Variants in STK32B observed in about 807,000 individuals in gnomAD.
STK32B encodes the protein serine/threonine kinase 32B.
Under a neutral mutation model 52.6 loss-of-function variants are expected in STK32B, and 43 were observed. That is an observed-to-expected ratio of 0.82 (90% CI 0.64 to 1.05). The LOEUF (loss-of-function observed/expected upper bound fraction) is 1.05. Ranked by LOEUF, STK32B falls within the 50% of genes least tolerant of loss-of-function variation. The pLI is 0.00. For synonymous variants in STK32B, 238 were observed against 204.3 expected (o/e 1.17, Z -1.41); for missense variants, 621 against 534.6 (o/e 1.16, Z -1.59).
chr4:5,296,914 A>G lies in STK32B; in HGVS notation c.261-34306A>G, dbSNP rs1195969583. Among the ~76,000 whole-genome samples the G allele has an allele frequency of 2.0e-5, 3 of 152,072 alleles. No individual in the cohort carries two copies. The East Asian group carries it at 5.8e-4, about 29-fold the overall frequency. On this transcript the variant is annotated intron_variant, in intron 3 of 11. Coordinates refer to ENST00000282908, the MANE Select transcript of STK32B (RefSeq NM_018401.3). Reference sequence around the variant, plus strand: ...CAATTCCTGGTTTGCAGTGGCTGGTACCTGTTTTTACTTTCCATATTTAGT... The same window carrying G: ...CAATTCCTGGTTTGCAGTGGCTGGTGCCTGTTTTTACTTTCCATATTTAGT...
At chr4:5,162,353 C>T (rs970644440) in intron 2 of STK32B, among the ~76,000 whole-genome samples, 2 of 152,180 alleles carry the variant, frequency 1.3e-5, no homozygotes, top group Non-Finnish European at 2.9e-5. Context: ...CCCAGGGCCT[C>T]CTAGAGCTTT....
intron 3 of STK32B, among the ~76,000 whole-genome samples, chr4:5,184,668 CAG>C (rs1035734547): frequency 2.5e-5 from 3 of 119,650 alleles, no homozygotes; most frequent in African/African-American, 9.5e-5. Context: ...AGCCTGGTGA[CAG>C]AGCGAGACTG....
chr4:5,243,344 T>A (rs201742717), intron 3 of STK32B, among the ~76,000 whole-genome samples: 2 of 152,184 alleles, frequency 1.3e-5, no homozygotes, highest in Non-Finnish European at 1.5e-5. Context: ...GAAGCAATTG[T>A]GAATGGGAGT....
chr4:5,287,937 C>A (rs1728657230), intron 3 of STK32B, among the ~76,000 whole-genome samples: 1 of 152,116 alleles, frequency 6.6e-6, no homozygotes. Context: ...CTCCTCCTAG[C>A]CCCCAGAAAC....
At chr4:5,221,129 C>T (rs1723509841) in intron 3 of STK32B, among the ~76,000 whole-genome samples, 1 of 152,168 alleles carries the variant, frequency 6.6e-6, no homozygotes, top group African/African-American at 2.4e-5. Flanking sequence ...TGATGTTCTT[C>T]TCTCTGTTGC....
At position 5,229,684 on chromosome 4, in the gene STK32B, T is replaced by C. The variant is rs559619943; in HGVS notation, c.260+61234T>C. Among the ~76,000 whole-genome samples, 36 of 152,296 alleles carry C rather than the reference T, an allele frequency of 2.4e-4. No individual in the cohort carries two copies. The East Asian group carries it at 4.8e-3, about 20-fold the overall frequency. Reference sequence around the variant, plus strand: ...TTTATTTATTTTAAAGTAAAATGTATTAAATTATAGAATAATGGTTTTAGG... The same window carrying C: ...TTTATTTATTTTAAAGTAAAATGTACTAAATTATAGAATAATGGTTTTAGG... On this transcript the variant is annotated intron_variant, in intron 3 of 11. Transcript: ENST00000282908.
intron 3 of STK32B, among the ~76,000 whole-genome samples, chr4:5,236,377 A>C (rs1724639214): frequency 6.6e-6 from 1 of 152,168 alleles, no homozygotes; most frequent in Non-Finnish European, 1.5e-5. Flanking sequence ...TACATACAGA[A>C]AAGTGCACTT....
chr4:5,305,395 A>G (rs116965091), intron 3 of STK32B, among the ~76,000 whole-genome samples: 71 of 151,894 alleles, frequency 4.7e-4, no homozygotes, highest in African/African-American at 1.4e-3. Flanking sequence ...TAGGGTTTCT[A>G]TTTCTTCCTG....
chr4:5,154,764 T>G (rs1173983072), intron 2 of STK32B, among the ~76,000 whole-genome samples: 1 of 152,202 alleles, frequency 6.6e-6, no homozygotes, highest in Non-Finnish European at 1.5e-5. Context: ...GACCTGGTCA[T>G]GCCCATCCGC....
chr4:5,409,499 C>T (rs1737883128), intron 5 of STK32B, among the ~76,000 whole-genome samples: 1 of 152,134 alleles, frequency 6.6e-6, no homozygotes, highest in Admixed American at 6.5e-5. Flanking sequence ...ACGTCAGAAG[C>T]TACTGGCTTG....
chr4:5,282,122 C>G (rs1344663759), intron 3 of STK32B, among the ~76,000 whole-genome samples: 1 of 152,148 alleles, frequency 6.6e-6, no homozygotes, highest in Non-Finnish European at 1.5e-5. Flanking sequence ...GAAATTTACT[C>G]TCTTAGTTAG....
intron 7 of STK32B, among the ~76,000 whole-genome samples, chr4:5,450,789 A>ATCCCC (rs770156380): frequency 2.0e-5 from 3 of 152,196 alleles, no homozygotes; most frequent in Non-Finnish European, 4.4e-5. Flanking sequence ...CTCAGGAAAC[A>ATCCCC]TCCCCCTATT....
intron 3 of STK32B, among the ~76,000 whole-genome samples, chr4:5,300,098 A>C (rs116243346): frequency 0.011 from 1,613 of 152,326 alleles, 21 homozygotes; most frequent in African/African-American, 0.038. Flanking sequence ...GCCATGATCA[A>C]GTAGGCTTTA....
chr4:5,298,784 C>T (rs1322747572), intron 3 of STK32B, among the ~76,000 whole-genome samples: 5 of 152,044 alleles, frequency 3.3e-5, no homozygotes, highest in Admixed American at 1.3e-4. Context: ...AGTCCCCTTT[C>T]CAGGGGAGTG....
chr4:5,416,260 C>T (rs1219387892), intron 5 of STK32B, among the ~76,000 whole-genome samples: 5 of 152,048 alleles, frequency 3.3e-5, no homozygotes, highest in African/African-American at 1.2e-4. Context: ...TTCTCTTTCC[C>T]TTTTCCTTCC....
At chr4:5,146,496 T>C (rs1185926120) in intron 2 of STK32B, among the ~76,000 whole-genome samples, 1 of 152,192 alleles carries the variant, frequency 6.6e-6, no homozygotes, top group Non-Finnish European at 1.5e-5. Flanking sequence ...TGCCTGCTTT[T>C]TCTAGCTGGA....
intron 3 of STK32B, among the ~76,000 whole-genome samples, chr4:5,330,180 G>A (rs903802953): frequency 5.5e-5 from 8 of 144,786 alleles, no homozygotes; most frequent in Non-Finnish European, 8.8e-5. Flanking sequence ...TTGCTGATTC[G>A]GTCTAATATC....
chr4:5,477,292 A>G (rs1000415341), intron 11 of STK32B, among the ~76,000 whole-genome samples: 4 of 152,048 alleles, frequency 2.6e-5, no homozygotes, highest in Non-Finnish European at 5.9e-5. Flanking sequence ...TCACTACTTA[A>G]TCTAGCTGTT....
intron 3 of STK32B, among the ~76,000 whole-genome samples, chr4:5,272,095 G>A (rs545154442): frequency 0.016 from 2,388 of 147,346 alleles, 36 homozygotes; most frequent in Non-Finnish European, 0.027. Context: ...TTTTCAAAGG[G>A]AATGCTTCCA....
Sources: gnomAD v4.1 joint callset for allele counts (sites outside exome capture counted in the v4.1 genomes callset) on GRCh38, gnomAD v4.1.1 for gene constraint, MANE v1.5 for transcripts, NCBI Gene and HGNC (gene_info 2026-07-23, HGNC 2026-07-21) for gene names.